RTN1: variants seen among roughly 807,000 people sequenced by gnomAD.
The protein encoded by RTN1 is reticulon 1, also known as reticulon-1.
In RTN1, 25 loss-of-function variants were observed where a neutral mutation model predicts 65.5. That is an observed-to-expected ratio of 0.38 (90% CI 0.28 to 0.53). The LOEUF (loss-of-function observed/expected upper bound fraction) is 0.53. Ranked by LOEUF, RTN1 falls within the 20% of genes least tolerant of loss-of-function variation. RTN1 has a pLI of 0.79. For missense variants in RTN1, 983 were observed against 1,025.4 expected (o/e 0.96, Z 0.57); for synonymous variants, 471 against 447.6 (o/e 1.05, Z -0.66).
At position 59,836,217 on chromosome 14, in the gene RTN1, G is replaced by T. The variant is rs1450951792; in HGVS notation, c.241+34173C>A. 6.6e-6 allele frequency among the ~76,000 whole-genome samples: 1 copy of T among 152,206 alleles called. No homozygotes were observed. The highest frequency in any genetic ancestry group is 1.5e-5 in the Non-Finnish European group (1 of 68,028). On this transcript the variant is annotated intron_variant, in intron 1 of 8. Transcript: ENST00000267484. The surrounding 1 kb of genome is among the most constrained non-coding windows in gnomAD (Gnocchi z 4.9). ...GCCAGATAAGGTAACATATTCACAG[G>T]TTCCAGGGATTAGACGTGGACACCT...
intron 1 of RTN1, among the ~76,000 whole-genome samples, chr14:59,751,107 G>A (rs1250398214): frequency 1.3e-5 from 2 of 150,466 alleles, no homozygotes; most frequent in African/African-American, 2.4e-5. Flanking sequence ...AATTGCTAAC[G>A]ATACTTCATT....
chr14:59,618,390 G>T (rs1237422565), intron 3 of RTN1, among the ~76,000 whole-genome samples: 1 of 152,000 alleles, frequency 6.6e-6, no homozygotes, highest in African/African-American at 2.4e-5. Context: ...CTGATTTTGT[G>T]GCCCCTACCC....
At chr14:59,860,517 C>G (rs1336111687) in intron 1 of RTN1, among the ~76,000 whole-genome samples, 1 of 152,202 alleles carries the variant, frequency 6.6e-6, no homozygotes, top group Non-Finnish European at 1.5e-5. Context: ...ACACAGACTC[C>G]CTACTGGTGT....
chr14:59,634,512 A>G (rs1459087596), intron 3 of RTN1, among the ~76,000 whole-genome samples: 1 of 152,160 alleles, frequency 6.6e-6, no homozygotes, highest in Non-Finnish European at 1.5e-5. Context: ...GTGCTTCTTC[A>G]TGTGGTATAC....
intron 1 of RTN1, among the ~76,000 whole-genome samples, chr14:59,787,647 G>A (rs1215112100): frequency 6.6e-6 from 1 of 152,190 alleles, no homozygotes; most frequent in Admixed American, 6.5e-5. Context: ...GGAGAAAATG[G>A]TGGGGACCTT....
At chr14:59,723,744 T>A (rs1884698420) in intron 3 of RTN1, among the ~76,000 whole-genome samples, 1 of 152,236 alleles carries the variant, frequency 6.6e-6, no homozygotes. Context: ...GGAAGCAGCC[T>A]GAGATTCCCC....
chr14:59,601,708 G>C (rs1001969435), intron 8 of RTN1, among the ~76,000 whole-genome samples: 8 of 152,118 alleles, frequency 5.3e-5, no homozygotes, highest in African/African-American at 1.9e-4. Flanking sequence ...TATAGTTTAT[G>C]AACACAGTTC....
intron 3 of RTN1, among the ~76,000 whole-genome samples, chr14:59,624,837 G>A (rs1882350661): frequency 6.6e-6 from 1 of 152,136 alleles, no homozygotes; most frequent in South Asian, 2.1e-4. Context: ...CAACTTAGGA[G>A]GATGAGAAAT....
At chr14:59,630,449 G>T (rs1458390847) in intron 3 of RTN1, 1 of 1,613,698 alleles carries the variant, frequency 6.2e-7, no homozygotes, top group South Asian at 1.1e-5. Flanking sequence ...AGAATACCCT[G>T]ACTTTTCCAG....
intron 1 of RTN1, among the ~76,000 whole-genome samples, chr14:59,791,210 CTT>C (rs931736012): frequency 2.0e-5 from 3 of 152,120 alleles, no homozygotes; most frequent in Non-Finnish European, 4.4e-5. Context: ...CTCCTTTACT[CTT>C]TATCCTAGTT....
chr14:59,858,547 G>A (rs985953946), intron 1 of RTN1, among the ~76,000 whole-genome samples: 13 of 151,698 alleles, frequency 8.6e-5, no homozygotes, highest in Admixed American at 3.3e-4. Context: ...GAATGTGAGC[G>A]TCAACAAATT....
chr14:59,714,994 T>C (rs560833112), intron 3 of RTN1, among the ~76,000 whole-genome samples: 76 of 152,326 alleles, frequency 5.0e-4, no homozygotes, highest in Admixed American at 2.2e-3. Context: ...ATGCTCCTTA[T>C]GAGACTCTAA....
chr14:59,719,818 T>C (rs926638859), intron 3 of RTN1, among the ~76,000 whole-genome samples: 1 of 152,162 alleles, frequency 6.6e-6, no homozygotes, highest in East Asian at 1.9e-4. Context: ...AATTATGTCT[T>C]CCAAACTCCA....
chr14:59,659,860 A>G (rs1013392788), intron 3 of RTN1, among the ~76,000 whole-genome samples: 13 of 152,224 alleles, frequency 8.5e-5, no homozygotes, highest in Admixed American at 7.2e-4. Flanking sequence ...AGCTAACATC[A>G]TAATGACAGG....
chr14:59,705,679 A>G (rs570209344), intron 3 of RTN1, among the ~76,000 whole-genome samples: 15 of 152,304 alleles, frequency 9.8e-5, no homozygotes, highest in South Asian at 2.1e-4. Flanking sequence ...CTCAACATCA[A>G]TCATTAACAC....
chr14:59,696,677 C>T (rs1044815777), intron 3 of RTN1, among the ~76,000 whole-genome samples: 1 of 152,010 alleles, frequency 6.6e-6, no homozygotes, highest in Admixed American at 6.6e-5. Context: ...CTCCCAGGTC[C>T]CAAATACTGA....
rs1471477435 is a variant in RTN1, at chr14:59,825,408, A to G, written c.241+44982T>C. On this transcript the variant is annotated intron_variant, in intron 1 of 8. Transcript: ENST00000267484. This position sits in a 1 kb window ranked among gnomAD's most constrained non-coding sequence, Gnocchi z 4.2. ...CCAGCCCTTTCCTGCAGGCTGAGGT[A>G]CACAGGAAAATGCTCTGATTCAGGG... is the stretch of plus-strand genomic sequence containing the variant. 6.6e-6 allele frequency among the ~76,000 whole-genome samples: 1 copy of G among 152,240 alleles called. No homozygotes were observed. The highest frequency in any genetic ancestry group is 1.9e-4 in the East Asian group (1 of 5,198).
intron 3 of RTN1, among the ~76,000 whole-genome samples, chr14:59,643,269 C>T (rs977279795): frequency 9.9e-5 from 15 of 152,260 alleles, no homozygotes; most frequent in Non-Finnish European, 2.1e-4. Flanking sequence ...AAAATTCAGG[C>T]ATGGTGCTGT....
intron 1 of RTN1, among the ~76,000 whole-genome samples, chr14:59,832,013 T>C (rs1887133327): frequency 6.6e-6 from 1 of 152,082 alleles, no homozygotes; most frequent in Non-Finnish European, 1.5e-5. Context: ...AGGGCAGAGA[T>C]GGAACAAATT....
Sources: allele counts gnomAD v4.1 joint callset (sites outside exome capture counted in the v4.1 genomes callset), GRCh38; gene constraint gnomAD v4.1.1; non-coding constraint Gnocchi (gnomAD v3.1); transcripts MANE v1.5; gene names NCBI Gene and HGNC (gene_info 2026-07-23, HGNC 2026-07-21).